NAP1L2: variants seen among roughly 807,000 people sequenced by gnomAD.
NAP1L2 encodes the protein nucleosome assembly protein 1-like 2.
For synonymous variants in NAP1L2, 165 were observed against 126.0 expected (o/e 1.31, Z -2.07); for missense variants, 376 against 338.5 (o/e 1.11, Z -0.87).
Position 73,214,161 on chromosome X carries a change from C to A in NAP1L2, c.332G>T (p.Arg111Leu). Residue 111 changes from arginine (R) to leucine (L), a missense_variant, in exon 1 of 1, where the codon CGT becomes CTT. Coordinates refer to ENST00000373517, the MANE Select transcript of NAP1L2 (RefSeq NM_021963.4). ...VESLPVKVKYRVLALKKLQTR... is the reference protein window; with the variant it reads ...VESLPVKVKYLVLALKKLQTR... ...TTGAAGCTTTTTAAGGGCTAACACA[C>A]GGTACTTAACTTTCACAGGTAGACT... 3 of 1,211,468 alleles carry A rather than the reference C, an allele frequency of 2.5e-6. No homozygotes were observed. Among genetic ancestry groups the A allele is most frequent in the Non-Finnish European group, 3.4e-6 (3 of 895,416 alleles).
Position 73,213,545 on chromosome X carries a change from A to G in NAP1L2, c.948T>C (p.Asp316=), listed in dbSNP as rs2056141419. The G allele has an allele frequency of 8.3e-7, 1 of 1,211,509 alleles. No homozygotes were observed. Among genetic ancestry groups the G allele is most frequent in the Non-Finnish European group, 1.1e-6 (1 of 895,342 alleles). The change falls in exon 1 of 1, where the codon GAT becomes GAC. Residue 316 remains aspartate, a synonymous_variant. Coordinates refer to ENST00000373517, the MANE Select transcript of NAP1L2 (RefSeq NM_021963.4). The part of the protein sequence containing the change: ...YVLKSKLAYY[D]PHPYRGTAIE... ...TCGCAGTTCCCCTATAGGGATGGGGATCATAATATGCTAGCTTTGACTTCA... is the reference window on the plus strand; with the variant it reads ...TCGCAGTTCCCCTATAGGGATGGGGGTCATAATATGCTAGCTTTGACTTCA...
Position 73,213,803 on chromosome X carries a change from C to A in NAP1L2, c.690G>T (p.Glu230Asp), listed in dbSNP as rs868225795. The part of the protein sequence containing the change: ...EEDDIEATGE[E>D]NKEEEDPKGI... Reference sequence around the variant, plus strand: ...CCTTAGGATCCTCCTCTTCTTTATTCTCTTCTCCAGTAGCCTCAATGTCGT... The same window carrying A: ...CCTTAGGATCCTCCTCTTCTTTATTATCTTCTCCAGTAGCCTCAATGTCGT... Residue 230 changes from glutamate to aspartate, a missense_variant, in exon 1 of 1, where the codon GAG (glutamate) becomes GAT (aspartate). Coordinates refer to ENST00000373517, the MANE Select transcript of NAP1L2 (RefSeq NM_021963.4). The A allele has an allele frequency of 8.3e-7, 1 of 1,210,970 alleles. No individual in the cohort carries two copies. The highest frequency in any genetic ancestry group is 1.7e-5 in the African/African-American group (1 of 57,551).
At position 73,213,394 on chromosome X, in the gene NAP1L2, T is replaced by G. The variant is rs756030838; in HGVS notation, c.1099A>C (p.Lys367Gln). The change falls in exon 1 of 1, where the codon AAG (lysine) becomes CAG (glutamine). Residue 367 changes from lysine to glutamine, a missense_variant. Physicochemically the swap from Lys to Gln is moderately conservative, Grantham distance 53. Transcript: ENST00000373517. ...GAGAAAAAATTGAAAAATGAATCCT[T>G]GGGAAAATCTTCAGTTACAGTTCGG... ...TIRTVTEDFP[K>Q]DSFFNFFSPH... is the part of the protein sequence containing the mutation. 1 of 1,210,381 alleles carries G rather than the reference T, an allele frequency of 8.3e-7. No individual in the cohort carries two copies. Among genetic ancestry groups the G allele is most frequent in the East Asian group, 3.0e-5 (1 of 33,777 alleles).
chrX:73,213,043 C>T lies in NAP1L2; in HGVS notation c.*67G>A. 1.0e-6 allele frequency: 1 copy of T among 984,258 alleles called. No individual in the cohort carries two copies. The highest frequency in any genetic ancestry group is 1.4e-6 in the Non-Finnish European group (1 of 734,435). The allele number at this position is 984,258 out of a possible 1,213,427, so 81.1% of individuals were successfully genotyped here. On this transcript the variant is annotated 3_prime_UTR_variant, in exon 1 of 1. Transcript: ENST00000373517. ...AACACTACAAGAAAAATACAGAACA[C>T]AAGGCTTCTTATACCTTGAGTAACT...
Position 73,213,508 on chromosome X carries a change from T to A in NAP1L2, c.985A>T (p.Thr329Ser). The change falls in exon 1 of 1, where the codon ACA becomes TCA. Residue 329 changes from threonine to serine, a missense_variant. Transcript: ENST00000373517. ...PYRGTAIEYS[T>S]GCEIDWNEGK... The stretch of plus-strand genomic sequence containing the variant: ...TCATTCCAATCTATCTCACAGCCTG[T>A]GGAATACTCAATCGCAGTTCCCCTA... 8.3e-7 allele frequency: 1 copy of A among 1,211,735 alleles called. No homozygotes were observed. The highest frequency in any genetic ancestry group is 1.1e-6 in the Non-Finnish European group (1 of 895,348).
chrX:73,214,568 C>T lies in NAP1L2; in HGVS notation c.-76G>A. On this transcript the variant is annotated 5_prime_UTR_variant, in exon 1 of 1. It adds an upstream start codon to the 5' untranslated region. Coordinates refer to ENST00000373517, the MANE Select transcript of NAP1L2 (RefSeq NM_021963.4). ...CCAAACCTCCACAGGAAAAGACTCA[C>T]CGAAATATCAGAAGCGGCGGTGGTC... The T allele has an allele frequency of 9.3e-7, 1 of 1,076,370 alleles. No individual in the cohort carries two copies. Among genetic ancestry groups the T allele is most frequent in the South Asian group, 2.2e-5 (1 of 45,411 alleles). The allele number at this position is 1,076,370 out of a possible 1,213,427, so 88.7% of individuals were successfully genotyped here.
chrX:73,214,576 T>C lies in NAP1L2; in HGVS notation c.-84A>G. ...CCACAGGAAAAGACTCACCGAAATATCAGAAGCGGCGGTGGTCGGACCTAG... is the reference window on the plus strand; with the variant it reads ...CCACAGGAAAAGACTCACCGAAATACCAGAAGCGGCGGTGGTCGGACCTAG... On this transcript the variant is annotated 5_prime_UTR_variant, in exon 1 of 1. Coordinates refer to ENST00000373517, the MANE Select transcript of NAP1L2 (RefSeq NM_021963.4). The C allele has an allele frequency of 4.8e-6, 5 of 1,036,155 alleles. No individual in the cohort carries two copies. The highest frequency in any genetic ancestry group is 1.9e-5 in the African/African-American group (1 of 52,660). 85.4% of individuals were successfully genotyped at this position (1,036,155 alleles called of 1,213,427 possible). A position where few individuals can be genotyped will look rare whatever the true frequency, so the allele number is the denominator to read the frequency against.
Position 73,214,233 on chromosome X carries a change from C to A in NAP1L2, c.260G>T (p.Arg87Leu). ...GDTDEDSEAD[R>L]PKGLIGYVLD... ...AACATAACCGATAAGTCCTTTTGGA[C>A]GGTCTGCCTCTGAGTCCTCATCAGT... Residue 87 changes from arginine to leucine, a missense_variant, in exon 1 of 1, where the codon CGT (arginine) becomes CTT (leucine). By Grantham distance (102) the Arg-to-Leu change is moderately radical. Coordinates refer to ENST00000373517, the MANE Select transcript of NAP1L2 (RefSeq NM_021963.4). 8.3e-7 allele frequency: 1 copy of A among 1,211,456 alleles called. No homozygotes were observed. Among genetic ancestry groups the A allele is most frequent in the Non-Finnish European group, 1.1e-6 (1 of 895,500 alleles).
chrX:73,212,911 C>T lies in NAP1L2; in HGVS notation c.*199G>A. ...ACAACACTATACTAGTGTTTTAAAT[C>T]ATTTACCACAGTGTACATTTCTTGA... On this transcript the variant is annotated 3_prime_UTR_variant, in exon 1 of 1. Coordinates refer to ENST00000373517, the MANE Select transcript of NAP1L2 (RefSeq NM_021963.4). 1 of 404,201 alleles carries T rather than the reference C, an allele frequency of 2.5e-6. No individual in the cohort carries two copies. Among genetic ancestry groups the T allele is most frequent in the East Asian group, 3.9e-5 (1 of 25,384 alleles). The allele number at this position is 404,201 out of a possible 1,213,427, so 33.3% of individuals were successfully genotyped here.
rs953997603 is a variant in NAP1L2, at chrX:73,214,208, A to G, written c.285T>C (p.Val95=). ...ADRPKGLIGY[V]LDTDFVESLP... is the part of the protein sequence containing the mutation. ...GACTTTCAACAAAGTCTGTATCTAA[A>G]ACATAACCGATAAGTCCTTTTGGAC... Residue 95 remains valine (V), a synonymous_variant, in exon 1 of 1, where the codon GTT becomes GTC. Transcript: ENST00000373517. 2.5e-6 allele frequency: 3 copies of G among 1,209,397 alleles called. No homozygotes were observed. In the African/African-American group the frequency reaches 5.3e-5, roughly 21 times the overall value.
At position 73,213,673 on chromosome X, in the gene NAP1L2, C is replaced by G; in HGVS notation, c.820G>C (p.Val274Leu). The change falls in exon 1 of 1, where the codon GTT (valine) becomes CTT (leucine). Residue 274 changes from valine to leucine, a missense_variant. Transcript: ENST00000373517. ...PILKLLTDIK[V>L]KLSDPGEPLS... The stretch of plus-strand genomic sequence containing the variant: ...GGCTCGCCAGGATCTGAAAGCTTAA[C>G]TTTAATATCTGTCAGGAGCTTCAGA... The G allele has an allele frequency of 8.3e-7, 1 of 1,211,467 alleles. No individual in the cohort carries two copies. Among genetic ancestry groups the G allele is most frequent in the Non-Finnish European group, 1.1e-6 (1 of 895,430 alleles).
In NAP1L2 at chrX:73,213,078, G is replaced by A. The variant is rs763138218; in HGVS notation, c.*32C>T. 7 of 1,134,253 alleles carry A rather than the reference G, an allele frequency of 6.2e-6. 1 individual carries two copies. The highest frequency in any genetic ancestry group is 4.3e-5 in the South Asian group (2 of 46,357). The allele number at this position is 1,134,253 out of a possible 1,213,427, so 93.5% of individuals were successfully genotyped here. ...TATACCTTGAGTAACTATATCTAGG[G>A]CAGTTAATTTCAGGGCCATGTATAC... On this transcript the variant is annotated 3_prime_UTR_variant, in exon 1 of 1. Transcript: ENST00000373517.
Position 73,213,356 on chromosome X carries a change from G to A in NAP1L2, c.1137C>T (p.Ile379=). ...SFFNFFSPHG[I]TSNGRDGNDD... Reference sequence around the variant, plus strand: ...CATTTCCATCCCTTCCATTTGAGGTGATTCCATGAGGAGAGAAAAAATTGA... The same window carrying A: ...CATTTCCATCCCTTCCATTTGAGGTAATTCCATGAGGAGAGAAAAAATTGA... Residue 379 remains isoleucine (I), a synonymous_variant, in exon 1 of 1, where the codon ATC becomes ATT. Transcript: ENST00000373517. The A allele has an allele frequency of 8.3e-7, 1 of 1,211,673 alleles. No individual in the cohort carries two copies. Among genetic ancestry groups the A allele is most frequent in the South Asian group, 1.8e-5 (1 of 56,986 alleles).
chrX:73,214,205 T>G lies in NAP1L2; in HGVS notation c.288A>C (p.Leu96Phe). The G allele has an allele frequency of 1.7e-6, 2 of 1,211,852 alleles. No individual in the cohort carries two copies. The highest frequency in any genetic ancestry group is 2.2e-6 in the Non-Finnish European group (2 of 895,587). Residue 96 changes from leucine (L) to phenylalanine (F), a missense_variant, in exon 1 of 1, where the codon TTA (leucine) becomes TTC (phenylalanine). Coordinates refer to ENST00000373517, the MANE Select transcript of NAP1L2 (RefSeq NM_021963.4). ...DRPKGLIGYVLDTDFVESLPV... is the reference protein window; with the variant it reads ...DRPKGLIGYVFDTDFVESLPV... ...GTAGACTTTCAACAAAGTCTGTATCTAAAACATAACCGATAAGTCCTTTTG... is the reference window on the plus strand; with the variant it reads ...GTAGACTTTCAACAAAGTCTGTATCGAAAACATAACCGATAAGTCCTTTTG...
In NAP1L2 at chrX:73,214,614, G is replaced by T; in HGVS notation, c.-122C>A. The T allele has an allele frequency of 2.6e-6, 2 of 773,632 alleles. No individual in the cohort carries two copies. Among genetic ancestry groups the T allele is most frequent in the Non-Finnish European group, 3.7e-6 (2 of 535,002 alleles). 63.8% of individuals were successfully genotyped at this position (773,632 alleles called of 1,213,427 possible). On this transcript the variant is annotated 5_prime_UTR_variant, in exon 1 of 1. Coordinates refer to ENST00000373517, the MANE Select transcript of NAP1L2 (RefSeq NM_021963.4). Reference sequence around the variant, plus strand: ...TGGTCGGACCTAGCAGTGGCGTCCGGACTGAGGGAACGACGATCCAGGCTG... The same window carrying T: ...TGGTCGGACCTAGCAGTGGCGTCCGTACTGAGGGAACGACGATCCAGGCTG...
rs1180066352 is a variant in NAP1L2 at position 73,214,646 on chromosome X, G to C, written c.-154C>G. 8.3e-5 allele frequency: 49 copies of C among 587,490 alleles called. No individual in the cohort carries two copies. Among genetic ancestry groups the C allele is most frequent in the Non-Finnish European group, 1.2e-4 (46 of 377,637 alleles). 48.4% of individuals were successfully genotyped at this position (587,490 alleles called of 1,213,427 possible). A position where few individuals can be genotyped will look rare whatever the true frequency, so the allele number is the denominator to read the frequency against. On this transcript the variant is annotated 5_prime_UTR_variant, in exon 1 of 1. In the 5' UTR this introduces an upstream ATG that the reference lacks. Transcript: ENST00000373517. ...GGAACGACGATCCAGGCTGCTCGGG[G>C]ATAAAAGATGGTGCTGAGGCTTTGA...
In NAP1L2 at chrX:73,213,663, G is replaced by C; in HGVS notation, c.830C>G (p.Ser277Ter). The C allele has an allele frequency of 8.3e-7, 1 of 1,211,350 alleles. No homozygotes were observed. ...KLLTDIKVKL[S>*]DPGEPLSFTL... ...GAAACTGAGGGGCTCGCCAGGATCT[G>C]AAAGCTTAACTTTAATATCTGTCAG... Residue 277 changes from serine (S) to a stop codon, truncating the protein, a stop_gained, in exon 1 of 1, where the codon TCA becomes TGA. Transcript: ENST00000373517. LOFTEE classifies it low-confidence loss of function (END_TRUNC).
Position 73,214,403 on chromosome X carries a change from A to G in NAP1L2, c.90T>C (p.His30=), listed in dbSNP as rs757814405. 5.0e-6 allele frequency: 6 copies of G among 1,208,336 alleles called. No homozygotes were observed. The highest frequency in any genetic ancestry group is 6.7e-6 in the Non-Finnish European group (6 of 894,898). ...NQIMVEGLGE[H]LERGEDAAAG... is the part of the protein sequence containing the mutation. ...CAGCGGCATCTTCACCGCGCTCCAG[A>G]TGTTCCCCGAGCCCTTCCACCATTA... Residue 30 remains histidine (H), a synonymous_variant, in exon 1 of 1, where the codon CAT becomes CAC. Transcript: ENST00000373517.
rs1417982754 is a variant in NAP1L2 at position 73,213,673 on chromosome X, C to A, written c.820G>T (p.Val274Phe). The A allele has an allele frequency of 2.5e-6, 3 of 1,209,728 alleles. No individual in the cohort carries two copies. The highest frequency in any genetic ancestry group is 3.5e-5 in the African/African-American group (2 of 57,130). ...GGCTCGCCAGGATCTGAAAGCTTAACTTTAATATCTGTCAGGAGCTTCAGA... is the reference window on the plus strand; with the variant it reads ...GGCTCGCCAGGATCTGAAAGCTTAAATTTAATATCTGTCAGGAGCTTCAGA... ...PILKLLTDIK[V>F]KLSDPGEPLS... The change falls in exon 1 of 1, where the codon GTT (valine) becomes TTT (phenylalanine). Residue 274 changes from valine to phenylalanine, a missense_variant. Transcript: ENST00000373517.
Sources: gnomAD v4.1 joint callset for allele counts on GRCh38, gnomAD v4.1.1 for gene constraint, MANE v1.5 for transcripts, NCBI Gene and HGNC (gene_info 2026-07-23, HGNC 2026-07-21) for gene names.